The following PTGDR variants were observed in gnomAD, a reference collection of about 807,000 sequenced individuals.
The protein encoded by PTGDR is prostaglandin D2 receptor.
Under a neutral mutation model 17.4 loss-of-function variants are expected in PTGDR, and 19 were observed. The observed-to-expected ratio is 1.09, with a 90% CI of 0.76 to 1.60. PTGDR has a LOEUF of 1.60. PTGDR is among the 40% of genes most tolerant of loss of function. PTGDR has a pLI of 0.00. For missense variants in PTGDR, 526 were observed against 481.9 expected, an observed-to-expected ratio of 1.09 and a Z score of -0.86; for synonymous variants, 267 against 224.2, an observed-to-expected ratio of 1.19 and a Z score of -1.71.
chr14:52,268,274 CCGG>C lies in PTGDR; in HGVS notation c.461_463del (p.Pro154_Val155delinsLeu). ...CCTGCGCCTGGGCGCACTGGTGGCC[CCGG>C]TGGTGAGCGCCTTCTCCCTGGCTTT... is the stretch of plus-strand genomic sequence containing the variant. On this transcript the variant is annotated inframe_deletion, in exon 1 of 2. Transcript: ENST00000306051. 6.2e-7 allele frequency: 1 copy of C among 1,613,976 alleles called. No homozygotes were observed. The highest frequency in any genetic ancestry group is 8.5e-7 in the Non-Finnish European group (1 of 1,180,044).
In PTGDR at chr14:52,275,268, G is replaced by A; in HGVS notation, c.*304G>A. The A allele has an allele frequency of 4.3e-6, 1 of 230,350 alleles. No individual in the cohort carries two copies. Among genetic ancestry groups the A allele is most frequent in the Non-Finnish European group, 8.5e-6 (1 of 117,888 alleles). The allele number at this position is 230,350 out of a possible 1,614,324, so 14.3% of individuals were successfully genotyped here. A position where few individuals can be genotyped will look rare whatever the true frequency, so the allele number is the denominator to read the frequency against. The stretch of plus-strand genomic sequence containing the variant: ...AATTGTCCCTACATTTGTGCTTGGT[G>A]GCCCTATTTTTTTTTTTTAGAGAGG... On this transcript the variant is annotated 3_prime_UTR_variant, in exon 2 of 2. Coordinates refer to ENST00000306051, the MANE Select transcript of PTGDR (RefSeq NM_000953.3).
chr14:52,276,143 A>C lies in PTGDR; in HGVS notation c.*1179A>C, dbSNP rs2033420656. On this transcript the variant is annotated 3_prime_UTR_variant, in exon 2 of 2. Transcript: ENST00000306051. Reference sequence around the variant, plus strand: ...AGCAATATGATGACTGAAAGGGAAAAGTGGAGGAAACGCAGCTGCAACTGA... The same window carrying C: ...AGCAATATGATGACTGAAAGGGAAACGTGGAGGAAACGCAGCTGCAACTGA... 1 of 152,232 alleles carries C rather than the reference A, an allele frequency of 6.6e-6. No homozygotes were observed. Among genetic ancestry groups the C allele is most frequent in the South Asian group, 2.1e-4 (1 of 4,830 alleles). The allele number at this position is 152,232 out of a possible 1,614,324, so 9.4% of individuals were successfully genotyped here.
chr14:52,270,581 T>G (rs1324336763), intron 1 of PTGDR, among the ~76,000 whole-genome samples: 1 of 152,192 alleles, frequency 6.6e-6, no homozygotes, highest in East Asian at 1.9e-4. Context: ...CATTTTGAAT[T>G]CCATCAAAAA....
Position 52,268,563 on chromosome 14 carries a change from G to T in PTGDR, c.749G>T (p.Gly250Val). The T allele has an allele frequency of 6.2e-7, 1 of 1,612,704 alleles. No individual in the cohort carries two copies. The highest frequency in any genetic ancestry group is 8.5e-7 in the Non-Finnish European group (1 of 1,179,596). Reference protein sequence around the residue: ...TRDCAEPRADGREASPQPLEE... With the variant: ...TRDCAEPRADVREASPQPLEE... ...GACTGTGCCGAGCCGCGCGCGGACGGGAGGGAAGCGTCCCCTCAGCCCCTG... is the reference window on the plus strand; with the variant it reads ...GACTGTGCCGAGCCGCGCGCGGACGTGAGGGAAGCGTCCCCTCAGCCCCTG... Residue 250 changes from glycine (G) to valine (V), a missense_variant, in exon 1 of 2, where the codon GGG becomes GTG. Gly to Val is a moderately radical substitution (Grantham distance 109). Transcript: ENST00000306051.
chr14:52,274,972 T>C lies in PTGDR; in HGVS notation c.*8T>C. 6.6e-7 allele frequency: 1 copy of C among 1,523,568 alleles called. No homozygotes were observed. Among genetic ancestry groups the C allele is most frequent in the South Asian group, 1.1e-5 (1 of 87,752 alleles). 94.4% of individuals were successfully genotyped at this position (1,523,568 alleles called of 1,614,324 possible). On this transcript the variant is annotated 3_prime_UTR_variant, in exon 2 of 2. Transcript: ENST00000306051. Reference sequence around the variant, plus strand: ...ATGGAATCCAGTCTGTGACAGTGTTTTTCACTCTGTGGTAAGCTGAGGAAT... The same window carrying C: ...ATGGAATCCAGTCTGTGACAGTGTTCTTCACTCTGTGGTAAGCTGAGGAAT...
chr14:52,280,314 A>G (rs1464701810), downstream of PTGDR, among the ~76,000 whole-genome samples: 2 of 152,190 alleles, frequency 1.3e-5, no homozygotes, highest in Admixed American at 1.3e-4. Flanking sequence ...CAGAGTTCCC[A>G]ATTAGATGAA....
downstream of PTGDR, among the ~76,000 whole-genome samples, chr14:52,278,230 A>G (rs2033452213): frequency 6.6e-6 from 1 of 152,242 alleles, no homozygotes; most frequent in Non-Finnish European, 1.5e-5. Context: ...ATGTCCAACA[A>G]TGATAGACTG....
At chr14:52,268,997 G>T (rs2140002733) in intron 1 of PTGDR, among the ~76,000 whole-genome samples, 1 of 152,248 alleles carries the variant, frequency 6.6e-6, no homozygotes, top group South Asian at 2.1e-4. Flanking sequence ...GCCTTAGGAG[G>T]AGCAGAACTT....
Position 52,268,119 on chromosome 14 carries a change from A to C in PTGDR, c.305A>C (p.Asn102Thr), listed in dbSNP as rs1363521827. The change falls in exon 1 of 2, where the codon AAC (asparagine) becomes ACC (threonine). Residue 102 changes from asparagine (N) to threonine (T), a missense_variant. Asn to Thr is a moderately conservative substitution (Grantham distance 65, BLOSUM62 0). Transcript: ENST00000306051. The part of the protein sequence containing the change: ...SLRVLAPALD[N>T]SLCQAFAFFM... ...CGGGTGCTTGCGCCCGCATTGGACA[A>C]CTCGTTGTGCCAAGCCTTCGCCTTC... The C allele has an allele frequency of 6.2e-7, 1 of 1,613,890 alleles. No individual in the cohort carries two copies. The highest frequency in any genetic ancestry group is 8.5e-7 in the Non-Finnish European group (1 of 1,179,962).
chr14:52,277,654 A>T (rs1234931751), downstream of PTGDR, among the ~76,000 whole-genome samples: 1 of 152,196 alleles, frequency 6.6e-6, no homozygotes, highest in East Asian at 1.9e-4. Flanking sequence ...CCACTCTAGC[A>T]TTCTCTTGCA....
rs12895027 is a variant in PTGDR at position 52,275,926 on chromosome 14, C to T, written c.*962C>T. On this transcript the variant is annotated 3_prime_UTR_variant, in exon 2 of 2. Transcript: ENST00000306051. ...CCACCCAGGACTTAGCCTCAGTTGA[C>T]GATAGTAACAATGGCCTTAACATCT... 0.05 allele frequency: 7,682 copies of T among 152,572 alleles called. 327 individuals are homozygous for T. The highest frequency in any genetic ancestry group is 0.12 in the African/African-American group (4,824 of 41,482). The allele number at this position is 152,572 out of a possible 1,614,324, so 9.5% of individuals were successfully genotyped here.
chr14:52,268,352 G>A lies in PTGDR; in HGVS notation c.538G>A (p.Gly180Ser), dbSNP rs571142068. ...GFGKFVQYCP[G>S]TWCFIQMVHE... Reference sequence around the variant, plus strand: ...CGGGAAGTTCGTGCAGTACTGCCCCGGCACCTGGTGCTTTATCCAGATGGT... The same window carrying A: ...CGGGAAGTTCGTGCAGTACTGCCCCAGCACCTGGTGCTTTATCCAGATGGT... Residue 180 changes from glycine to serine, a missense_variant, in exon 1 of 2, where the codon GGC becomes AGC. Gly to Ser is a moderately conservative substitution (Grantham distance 56, BLOSUM62 0). Transcript: ENST00000306051. 23 of 1,613,266 alleles carry A rather than the reference G, an allele frequency of 1.4e-5. No individual in the cohort carries two copies. The highest frequency in any genetic ancestry group is 2.2e-5 in the South Asian group (2 of 91,086).
chr14:52,279,939 G>T (rs1309526856), downstream of PTGDR, among the ~76,000 whole-genome samples: 1 of 151,750 alleles, frequency 6.6e-6, no homozygotes, highest in Non-Finnish European at 1.5e-5. Flanking sequence ...AAGCTCAAAT[G>T]AAAGTATATT....
intron 1 of PTGDR, 142 bp downstream of exon 1, chr14:52,268,802 C>G (rs1036968147): frequency 2.2e-6 from 2 of 893,322 alleles, no homozygotes; most frequent in African/African-American, 3.4e-5. Context: ...CTGAGTTCCC[C>G]AAATTGGATT....
intron 1 of PTGDR, among the ~76,000 whole-genome samples, chr14:52,272,161 G>C (rs897536375): frequency 6.6e-6 from 1 of 152,054 alleles, no homozygotes; most frequent in Non-Finnish European, 1.5e-5. Flanking sequence ...TCAAGTCACT[G>C]GATTTGTATT....
At chr14:52,270,265 C>A (rs917635472) in intron 1 of PTGDR, among the ~76,000 whole-genome samples, 3 of 152,152 alleles carry the variant, frequency 2.0e-5, no homozygotes, top group Non-Finnish European at 4.4e-5. Context: ...AAATTGTACT[C>A]AGCCGGGAGC....
chr14:52,274,924 G>A lies in PTGDR; in HGVS notation c.1040G>A (p.Ser347Asn). ...KIFIRPLRYRSRCSNSTNMES... is the reference protein window; with the variant it reads ...KIFIRPLRYRNRCSNSTNMES... ...TTCATTAGACCTCTTAGGTACAGGA[G>A]CCGGTGCAGCAATTCCACTAACATG... The change falls in exon 2 of 2, where the codon AGC becomes AAC. Residue 347 changes from serine (S) to asparagine (N), a missense_variant. Ser to Asn is a conservative substitution (Grantham distance 46). Transcript: ENST00000306051. The A allele has an allele frequency of 6.3e-7, 1 of 1,599,656 alleles. No individual in the cohort carries two copies.
At position 52,268,535 on chromosome 14, in the gene PTGDR, A is replaced by G; in HGVS notation, c.721A>G (p.Arg241Gly). 7 of 1,612,452 alleles carry G rather than the reference A, an allele frequency of 4.3e-6. No homozygotes were observed. Among genetic ancestry groups the G allele is most frequent in the Non-Finnish European group, 5.9e-6 (7 of 1,179,662 alleles). ...RLQRHPRSCT[R>G]DCAEPRADGR... ...GCAGCGGCACCCGCGCTCCTGCACC[A>G]GGGACTGTGCCGAGCCGCGCGCGGA... is the stretch of plus-strand genomic sequence containing the variant. The change falls in exon 1 of 2, where the codon AGG (arginine) becomes GGG (glycine). Residue 241 changes from arginine to glycine, a missense_variant. Arg to Gly is a moderately radical substitution (Grantham distance 125, BLOSUM62 -2). Coordinates refer to ENST00000306051, the MANE Select transcript of PTGDR (RefSeq NM_000953.3).
At chr14:52,274,371 A>C (rs1318329335) in intron 1 of PTGDR, among the ~76,000 whole-genome samples, 2 of 152,220 alleles carry the variant, frequency 1.3e-5, no homozygotes, top group Non-Finnish European at 2.9e-5. Flanking sequence ...CTAGAAAGAG[A>C]TTCTGTATTT....
Sources: gnomAD v4.1 joint callset for allele counts (sites outside exome capture counted in the v4.1 genomes callset) on GRCh38, gnomAD v4.1.1 for gene constraint, MANE v1.5 for transcripts, NCBI Gene and HGNC (gene_info 2026-07-23, HGNC 2026-07-21) for gene names.